Variants in MED27 observed in about 807,000 individuals in gnomAD.
MED27 encodes mediator of RNA polymerase II transcription subunit 27.
MED27 carries 30 observed loss-of-function variants against 38.2 expected under a neutral mutation model. That is an observed-to-expected ratio of 0.79 (90% CI 0.59 to 1.07). MED27 has a LOEUF of 1.07. Among genes scored for constraint, MED27 ranks in the 50% least tolerant of loss-of-function variants. The pLI, the probability that MED27 is intolerant of heterozygous loss-of-function variation, is 0.00. For missense variants in MED27, 289 were observed against 397.5 expected, an observed-to-expected ratio of 0.73 and a Z score of 2.32; for synonymous variants, 122 against 153.5, an observed-to-expected ratio of 0.79 and a Z score of 1.52.
intron 2 of MED27, among the ~76,000 whole-genome samples, chr9:132,063,972 G>A (rs1419825613): frequency 1.3e-5 from 2 of 152,138 alleles, no homozygotes; most frequent in South Asian, 2.1e-4. Context: ...ACGCACTTCC[G>A]CCTTGTTGCT....
chr9:131,957,580 T>C (rs1282007557), intron 3 of MED27, among the ~76,000 whole-genome samples: 3 of 152,154 alleles, frequency 2.0e-5, no homozygotes, highest in Non-Finnish European at 4.4e-5. Context: ...TTTATTTTTA[T>C]TACCCCCAAA....
At chr9:131,895,512 T>C (rs1362586179) in intron 4 of MED27, among the ~76,000 whole-genome samples, 1 of 152,214 alleles carries the variant, frequency 6.6e-6, no homozygotes, top group African/African-American at 2.4e-5. Flanking sequence ...TCCTCTTTCC[T>C]TGATTAGTCC....
chr9:132,070,368 C>A (rs1249418012), intron 2 of MED27, among the ~76,000 whole-genome samples: 1 of 152,096 alleles, frequency 6.6e-6, no homozygotes. Flanking sequence ...CCAGCCTGGG[C>A]GACATAGTGA....
intron 3 of MED27, among the ~76,000 whole-genome samples, chr9:131,988,170 A>C (rs1321566157): frequency 6.6e-6 from 1 of 152,230 alleles, no homozygotes; most frequent in East Asian, 1.9e-4. Flanking sequence ...GTGGCTACTC[A>C]ATCTTTTTAA....
intron 4 of MED27, among the ~76,000 whole-genome samples, chr9:131,920,722 G>A (rs1388428320): frequency 1.7e-4 from 26 of 152,272 alleles, no homozygotes; most frequent in African/African-American, 4.3e-4. Flanking sequence ...AAGACTAGGA[G>A]GAATGGGGGC....
chr9:131,946,335 A>G (rs907324434), intron 3 of MED27, among the ~76,000 whole-genome samples: 1 of 152,216 alleles, frequency 6.6e-6, no homozygotes, highest in Non-Finnish European at 1.5e-5. Context: ...ACTATTTTCC[A>G]TAATGACTGT....
At chr9:132,016,576 C>T (rs901166665) in intron 2 of MED27, among the ~76,000 whole-genome samples, 2 of 152,192 alleles carry the variant, frequency 1.3e-5, no homozygotes, top group South Asian at 2.1e-4. Flanking sequence ...ATGTCAGCTA[C>T]TTGGGTTTCG....
chr9:132,008,207 GCTAT>G (rs1387154505), intron 3 of MED27, among the ~76,000 whole-genome samples: 2 of 152,164 alleles, frequency 1.3e-5, no homozygotes, highest in African/African-American at 4.8e-5. Context: ...AATCGAGGCT[GCTAT>G]CTAAGATAGA....
chr9:131,868,410 C>T (rs1262604270), intron 6 of MED27, among the ~76,000 whole-genome samples: 1 of 152,246 alleles, frequency 6.6e-6, no homozygotes, highest in Non-Finnish European at 1.5e-5. Flanking sequence ...TCCTGAGTTG[C>T]TGGGACTATA....
chr9:132,002,024 C>T (rs1832246979), intron 3 of MED27, among the ~76,000 whole-genome samples: 1 of 152,190 alleles, frequency 6.6e-6, no homozygotes, highest in Non-Finnish European at 1.5e-5. Context: ...AAGCTGTGGC[C>T]CTGCATCAGC....
chr9:131,935,273 T>C (rs1189652166), intron 4 of MED27, among the ~76,000 whole-genome samples: 2 of 152,112 alleles, frequency 1.3e-5, no homozygotes, highest in Non-Finnish European at 2.9e-5. Context: ...AGGACAGATA[T>C]CCATTTACCA....
intron 4 of MED27, among the ~76,000 whole-genome samples, chr9:131,896,428 G>A (rs59308673): frequency 1.3e-3 from 196 of 152,238 alleles, no homozygotes; most frequent in African/African-American, 4.4e-3. Flanking sequence ...TGTAATTTAA[G>A]TTTCTTAAGA....
chr9:131,951,606 T>C (rs192787245), intron 3 of MED27, among the ~76,000 whole-genome samples: 5 of 152,372 alleles, frequency 3.3e-5, no homozygotes, highest in Admixed American at 3.3e-4. Flanking sequence ...GGCATCCTTA[T>C]CTGTGAAATA....
chr9:131,860,777 G>T lies in MED27; in HGVS notation c.802-105C>A. The T allele has an allele frequency of 7.5e-7, 1 of 1,340,334 alleles. No individual in the cohort carries two copies. Among genetic ancestry groups the T allele is most frequent in the Non-Finnish European group, 1.0e-6 (1 of 974,342 alleles). The allele number at this position is 1,340,334 out of a possible 1,614,324, so 83.0% of individuals were successfully genotyped here. On this transcript the variant is annotated intron_variant, in intron 7 of 7. Coordinates refer to ENST00000292035, the MANE Select transcript of MED27 (RefSeq NM_004269.4). The surrounding 1 kb of genome is among the most constrained non-coding windows in gnomAD (Gnocchi z 5.8). ...GCCCAGACAACTTAAGTTGGCTTTGGCCCCAGAAGATGCCCTGTGATTTCA... is the reference window on the plus strand; with the variant it reads ...GCCCAGACAACTTAAGTTGGCTTTGTCCCCAGAAGATGCCCTGTGATTTCA...
In MED27 at chr9:132,019,426, G is replaced by C. The variant is rs74401367; in HGVS notation, c.349-4959C>G. The stretch of plus-strand genomic sequence containing the variant: ...ACACACTGCTTTCTAGGTGCTCACT[G>C]TCAAGATAGAACCACAGAAGAAACC... On this transcript the variant is annotated intron_variant, in intron 2 of 7. Transcript: ENST00000292035. Among the ~76,000 whole-genome samples the C allele has an allele frequency of 3.9e-5, 6 of 152,288 alleles. No homozygotes were observed. In the East Asian group the frequency reaches 1.2e-3, roughly 29 times the overall value.
At chr9:131,878,287 A>AAATAAATG (rs1838973412) in intron 6 of MED27, among the ~76,000 whole-genome samples, 1 of 149,974 alleles carries the variant, frequency 6.7e-6, no homozygotes, top group South Asian at 2.1e-4. Context: ...ATAAATAAAT[A>AAATAAATG]AATAAATAAA....
At chr9:131,983,572 A>AT (rs1831786076) in intron 3 of MED27, among the ~76,000 whole-genome samples, 1 of 152,226 alleles carries the variant, frequency 6.6e-6, no homozygotes, top group Non-Finnish European at 1.5e-5. Context: ...CCATCCAATC[A>AT]TTAACAATGA....
At chr9:132,078,764 A>C (rs1276474776) in intron 1 of MED27, among the ~76,000 whole-genome samples, 7 of 152,172 alleles carry the variant, frequency 4.6e-5, no homozygotes, top group Non-Finnish European at 8.8e-5. Context: ...TGAGAAGTAA[A>C]AGGCAAAAAT....
intron 4 of MED27, among the ~76,000 whole-genome samples, chr9:131,907,370 G>A (rs531098422): frequency 7.9e-5 from 12 of 152,292 alleles, no homozygotes; most frequent in Non-Finnish European, 1.8e-4. Flanking sequence ...GGCACGCGCC[G>A]CCACGCCTGA....
Sources: allele counts gnomAD v4.1 joint callset (sites outside exome capture counted in the v4.1 genomes callset), GRCh38; gene constraint gnomAD v4.1.1; non-coding constraint Gnocchi (gnomAD v3.1); transcripts MANE v1.5; gene names NCBI Gene and HGNC (gene_info 2026-07-23, HGNC 2026-07-21).